Variants in FLNB observed in about 807,000 individuals in gnomAD.
FLNB encodes filamin B.
A neutral mutation model predicts 250.6 loss-of-function variants in FLNB; 111 were observed. The ratio of observed to expected loss-of-function variants is 0.44; its 90% CI spans 0.38 to 0.52. The LOEUF (loss-of-function observed/expected upper bound fraction) is 0.52, where lower values mean the gene tolerates loss of function less well. FLNB is among the 20% of genes least tolerant of loss of function. The pLI is 0.00. For missense variants in FLNB, 2,869 were observed against 3,447.8 expected, an observed-to-expected ratio of 0.83 and a Z score of 4.20; for synonymous variants, 1,302 against 1,372.1, an observed-to-expected ratio of 0.95 and a Z score of 1.13.
At chr3:58,093,280 T>C (rs944255877) in intron 4 of FLNB, among the ~76,000 whole-genome samples, 15 of 152,006 alleles carry the variant, frequency 9.9e-5, no homozygotes, top group Non-Finnish European at 2.2e-4. Context: ...GAAGTTGGGG[T>C]GGGCCATCCT....
chr3:58,019,858 C>G (rs944710604), intron 1 of FLNB, among the ~76,000 whole-genome samples: 3 of 152,214 alleles, frequency 2.0e-5, no homozygotes, highest in Admixed American at 2.0e-4. Context: ...CCAGTTCTTT[C>G]CCTGCCTTTG....
At position 58,169,829 on chromosome 3, in the gene FLNB, C is replaced by CCTTTT; in HGVS notation, c.7621+36_7621+37insCTTTT. On this transcript the variant is annotated intron_variant, in intron 45 of 45. Coordinates refer to ENST00000295956, the MANE Select transcript of FLNB (RefSeq NM_001457.4). The surrounding 1 kb of genome is among the most constrained non-coding windows in gnomAD (Gnocchi z 4.8). ...GGGCCTTTTCAAGGGTGGGGTGGGG[C>CCTTTT]AGGGGCAGGCTGGGCACCCTGGGTA... 2 of 1,276,458 alleles carry CCTTTT rather than the reference C, an allele frequency of 1.6e-6. No homozygotes were observed. The highest frequency in any genetic ancestry group is 2.3e-6 in the Non-Finnish European group (2 of 883,932). The allele number at this position is 1,276,458 out of a possible 1,614,324, so 79.1% of individuals were successfully genotyped here. A position where few individuals can be genotyped will look rare whatever the true frequency, so the allele number is the denominator to read the frequency against.
At chr3:58,097,021 A>G (rs2097240010) in intron 6 of FLNB, among the ~76,000 whole-genome samples, 1 of 152,194 alleles carries the variant, frequency 6.6e-6, no homozygotes, top group Non-Finnish European at 1.5e-5. Context: ...CAGGTGACCT[A>G]TAGGGCAAGG....
intron 24 of FLNB, among the ~76,000 whole-genome samples, chr3:58,127,012 T>C (rs1264139090): frequency 6.6e-6 from 1 of 152,144 alleles, no homozygotes; most frequent in East Asian, 1.9e-4. Context: ...TAGTTCTTGA[T>C]TCAGGGGAAA....
intron 3 of FLNB, among the ~76,000 whole-genome samples, chr3:58,080,424 A>G (rs2097207493): frequency 6.6e-6 from 1 of 151,980 alleles, no homozygotes; most frequent in Non-Finnish European, 1.5e-5. Flanking sequence ...ACCTTCAGGG[A>G]AGTCACCTGT....
intron 15 of FLNB, 59 bp downstream of exon 15, chr3:58,109,758 T>C: frequency 6.2e-7 from 1 of 1,611,318 alleles, no homozygotes; most frequent in Middle Eastern, 1.8e-4. Flanking sequence ...GCAGTTCTTT[T>C]CATAACGTTT....
At chr3:58,064,141 AT>A (rs1437902537) in intron 1 of FLNB, among the ~76,000 whole-genome samples, 1 of 151,776 alleles carries the variant, frequency 6.6e-6, no homozygotes, top group East Asian at 1.9e-4. Flanking sequence ...CAGTTAGAAA[AT>A]ATGTGTATAT....
Position 58,107,905 on chromosome 3 carries a change from G to A in FLNB, c.1942-553G>A, listed in dbSNP as rs1047313107. Among the ~76,000 whole-genome samples the A allele has an allele frequency of 2.6e-5, 4 of 152,242 alleles. No individual in the cohort carries two copies. The East Asian group carries it at 7.7e-4, about 29-fold the overall frequency. Reference sequence around the variant, plus strand: ...GGTAAAGATTCTGAGTCCCCTCAAAGTGGGAACGTTGAAACTGGGCATGAC... The same window carrying A: ...GGTAAAGATTCTGAGTCCCCTCAAAATGGGAACGTTGAAACTGGGCATGAC... On this transcript the variant is annotated intron_variant, in intron 12 of 45. Coordinates refer to ENST00000295956, the MANE Select transcript of FLNB (RefSeq NM_001457.4).
chr3:58,042,125 C>T (rs1016532496), intron 1 of FLNB, among the ~76,000 whole-genome samples: 1 of 152,154 alleles, frequency 6.6e-6, no homozygotes, highest in Non-Finnish European at 1.5e-5. Context: ...TTTTCTGCAA[C>T]CTAGGTTGAA....
intron 43 of FLNB, among the ~76,000 whole-genome samples, chr3:58,166,592 G>A (rs2097370959): frequency 6.6e-6 from 1 of 152,058 alleles, no homozygotes; most frequent in Non-Finnish European, 1.5e-5. Flanking sequence ...AGGTGGAGGT[G>A]GGAGGATCAC....
Position 58,124,324 on chromosome 3 carries a change from C to G in FLNB, c.3725-8C>G. On this transcript the variant is annotated splice_region_variant and splice_polypyrimidine_tract_variant and intron_variant, in intron 21 of 45. Coordinates refer to ENST00000295956, the MANE Select transcript of FLNB (RefSeq NM_001457.4). ...GGTGGCAGTGTTAGCTATGTGCTTG[C>G]TCTGCAGATGTGTTCCGGGAAGCTA... The G allele has an allele frequency of 2.5e-6, 4 of 1,614,164 alleles. No homozygotes were observed. Among genetic ancestry groups the G allele is most frequent in the Non-Finnish European group, 3.4e-6 (4 of 1,180,010 alleles).
At chr3:58,137,335 A>T (rs2097317887) in intron 28 of FLNB, among the ~76,000 whole-genome samples, 1 of 152,348 alleles carries the variant, frequency 6.6e-6, no homozygotes, top group East Asian at 1.9e-4. Context: ...GCTGCCAGCG[A>T]CAACCAGATC....
chr3:58,104,468 C>T (rs930233354), intron 10 of FLNB, among the ~76,000 whole-genome samples: 7 of 152,204 alleles, frequency 4.6e-5, no homozygotes, highest in Non-Finnish European at 7.3e-5. Flanking sequence ...AGACCGTCTA[C>T]GTGAGTGCTG....
intron 1 of FLNB, among the ~76,000 whole-genome samples, chr3:58,024,732 C>CTT (rs2097120705): frequency 1.5e-5 from 1 of 67,042 alleles, no homozygotes; most frequent in African/African-American, 5.3e-5. Flanking sequence ...TTTTTTTAAC[C>CTT]TTGAGACAGT....
intron 26 of FLNB, among the ~76,000 whole-genome samples, chr3:58,133,439 A>G (rs1302994129): frequency 1.3e-4 from 7 of 53,308 alleles, no homozygotes; most frequent in Admixed American, 2.4e-4. Context: ...CATCTCTGGA[A>G]AAAAAAAAAA....
At chr3:58,141,503 A>G (rs1047257945) in intron 29 of FLNB, among the ~76,000 whole-genome samples, 15 of 152,296 alleles carry the variant, frequency 9.8e-5, no homozygotes, top group African/African-American at 3.4e-4. Context: ...CAGACTCACC[A>G]GAATTTATTT....
Position 58,149,884 on chromosome 3 carries a change from C to T in FLNB, c.6126C>T (p.Pro2042=). The T allele has an allele frequency of 6.2e-7, 1 of 1,614,228 alleles. No individual in the cohort carries two copies. The highest frequency in any genetic ancestry group is 8.5e-7 in the Non-Finnish European group (1 of 1,180,036). ...YGGISLAVEG[P]SKVDIQTEDL... is the part of the protein sequence containing the mutation. ...GCATATCCTTGGCGGTGGAAGGCCC[C>T]AGCAAAGTGGACATCCAGACGGAGG... is the stretch of plus-strand genomic sequence containing the variant. The change falls in exon 37 of 46, where the codon CCC becomes CCT. Residue 2042 remains proline (P), a synonymous_variant. Coordinates refer to ENST00000295956, the MANE Select transcript of FLNB (RefSeq NM_001457.4).
rs59689498 is a variant in FLNB at position 58,069,232 on chromosome 3, CTTTTTTTTT to C, written c.293-7799_293-7791del. The stretch of plus-strand genomic sequence containing the variant: ...CTGATAAAATATCAGTAGTTCAATT[CTTTTTTTTT>C]TTTTTTTTTTTTTTCTGAGATGGAG... On this transcript the variant is annotated intron_variant, in intron 1 of 45. Transcript: ENST00000295956. 5.8e-5 allele frequency among the ~76,000 whole-genome samples: 5 copies of C among 86,384 alleles called. 1 individual carries two copies. The South Asian group carries it at 2.1e-3, about 37-fold the overall frequency. 56.7% of individuals were successfully genotyped at this position (86,384 alleles called of 152,430 possible).
intron 9 of FLNB, among the ~76,000 whole-genome samples, chr3:58,103,691 C>A (rs182548530): frequency 3.6e-4 from 55 of 152,216 alleles, no homozygotes; most frequent in Non-Finnish European, 6.8e-4. Context: ...GACCTCAGGG[C>A]CCCTCGTAGC....
Sources: allele counts gnomAD v4.1 joint callset (sites outside exome capture counted in the v4.1 genomes callset), GRCh38; gene constraint gnomAD v4.1.1; non-coding constraint Gnocchi (gnomAD v3.1); transcripts MANE v1.5; gene names NCBI Gene and HGNC (gene_info 2026-07-23, HGNC 2026-07-21).